Variants in CDK6 observed in about 807,000 individuals in gnomAD.
The protein encoded by CDK6 is cyclin-dependent kinase 6.
CDK6 carries 6 observed loss-of-function variants against 37.1 expected under a neutral mutation model. That is an observed-to-expected ratio of 0.16 (90% CI 0.09 to 0.32). The LOEUF (loss-of-function observed/expected upper bound fraction) is 0.32, where lower values mean the gene tolerates loss of function less well. CDK6 is among the 10% of genes least tolerant of loss of function. The pLI is 1.00. For synonymous variants in CDK6, 160 were observed against 161.3 expected (o/e 0.99, Z 0.06); for missense variants, 224 against 418.9 (o/e 0.53, Z 4.06).
intron 2 of CDK6, among the ~76,000 whole-genome samples, chr7:92,814,842 T>G (rs1800985284): frequency 6.6e-6 from 1 of 152,006 alleles, no homozygotes; most frequent in Non-Finnish European, 1.5e-5. Context: ...AGGAGATGTA[T>G]TAAGAAAATA....
Position 92,614,258 on chromosome 7 carries a change from A to C in CDK6, c.*882T>G, listed in dbSNP as rs1795623096. 4.3e-6 allele frequency: 1 copy of C among 232,960 alleles called. No homozygotes were observed. The highest frequency in any genetic ancestry group is 1.8e-4 in the South Asian group (1 of 5,530). 14.4% of individuals were successfully genotyped at this position (232,960 alleles called of 1,614,324 possible). A position where few individuals can be genotyped will look rare whatever the true frequency, so the allele number is the denominator to read the frequency against. The stretch of plus-strand genomic sequence containing the variant: ...TCAAACCAGGAAATAAAGGCTTTCT[A>C]TTCTTTTTTTTAAAATCTATCTGAG... On this transcript the variant is annotated 3_prime_UTR_variant, in exon 8 of 8. Transcript: ENST00000424848.
chr7:92,679,265 G>A (rs747502623), intron 4 of CDK6, among the ~76,000 whole-genome samples: 4 of 151,652 alleles, frequency 2.6e-5, no homozygotes, highest in Non-Finnish European at 4.4e-5. Context: ...GAAGATGTTT[G>A]GACTGGGTAA....
chr7:92,671,653 TAAG>T, intron 4 of CDK6, 118 bp from the exon 5 acceptor site: 1 of 480,096 alleles, frequency 2.1e-6, no homozygotes, highest in Non-Finnish European at 3.7e-6. Context: ...ATAAATCATA[TAAG>T]GACACTGCGC....
intron 5 of CDK6, among the ~76,000 whole-genome samples, chr7:92,663,283 C>T (rs1796877433): frequency 6.6e-6 from 1 of 151,982 alleles, no homozygotes; most frequent in Admixed American, 6.6e-5. Flanking sequence ...TGGAGGTGCC[C>T]TGGAGTGGGA....
intron 5 of CDK6, among the ~76,000 whole-genome samples, chr7:92,662,293 G>A (rs1796856424): frequency 6.6e-6 from 1 of 152,160 alleles, no homozygotes; most frequent in South Asian, 2.1e-4. Context: ...ATTAACTGGA[G>A]ATGGGGCTGA....
intron 4 of CDK6, among the ~76,000 whole-genome samples, chr7:92,719,847 G>A (rs1182333504): frequency 1.3e-5 from 2 of 152,146 alleles, no homozygotes; most frequent in African/African-American, 4.8e-5. Flanking sequence ...AACTGCCTGG[G>A]TGTTGGCAAT....
chr7:92,713,554 T>A (rs10488521), intron 4 of CDK6, among the ~76,000 whole-genome samples: 1 of 151,446 alleles, frequency 6.6e-6, no homozygotes, highest in African/African-American at 2.4e-5. Flanking sequence ...ATGATTAGAA[T>A]GAGTATCACT....
intron 3 of CDK6, among the ~76,000 whole-genome samples, chr7:92,736,479 G>C (rs773223219): frequency 3.3e-5 from 5 of 152,202 alleles, no homozygotes; most frequent in Non-Finnish European, 7.3e-5. Context: ...TAGGCACTGA[G>C]TAAGCACCAA....
At chr7:92,798,953 C>T (rs556761073) in intron 2 of CDK6, among the ~76,000 whole-genome samples, 1 of 152,202 alleles carries the variant, frequency 6.6e-6, no homozygotes, top group Non-Finnish European at 1.5e-5. Flanking sequence ...TCCTCCTGAA[C>T]TGTGCCTCTC....
chr7:92,667,125 AT>A (rs1299065413), intron 5 of CDK6, among the ~76,000 whole-genome samples: 3 of 152,344 alleles, frequency 2.0e-5, no homozygotes, highest in African/African-American at 4.8e-5. Context: ...AAGTAAAAAA[AT>A]AAAAAATTTA....
At chr7:92,629,118 C>T (rs1299273933) in intron 5 of CDK6, among the ~76,000 whole-genome samples, 1 of 151,796 alleles carries the variant, frequency 6.6e-6, no homozygotes, top group Admixed American at 6.6e-5. Context: ...AAGGAAAGAC[C>T]GTGGCAGAAA....
chr7:92,783,030 C>T (rs1041424374), intron 2 of CDK6, among the ~76,000 whole-genome samples: 5 of 151,988 alleles, frequency 3.3e-5, no homozygotes, highest in African/African-American at 1.2e-4. Flanking sequence ...CAAAAGTAGC[C>T]GACAGCAGAG....
At chr7:92,660,258 C>T (rs1796805892) in intron 5 of CDK6, among the ~76,000 whole-genome samples, 1 of 152,170 alleles carries the variant, frequency 6.6e-6, no homozygotes, top group Non-Finnish European at 1.5e-5. Context: ...TAGGTACAGA[C>T]ACAATGCTAT....
At chr7:92,725,421 G>T in intron 4 of CDK6, 1 of 752,692 alleles carries the variant, frequency 1.3e-6, no homozygotes, top group Non-Finnish European at 1.6e-6. Context: ...AATGGATCCT[G>T]TCCACAACAA....
chr7:92,686,513 T>C (rs1407920565), intron 4 of CDK6, among the ~76,000 whole-genome samples: 2 of 152,120 alleles, frequency 1.3e-5, no homozygotes, highest in Admixed American at 6.6e-5. Flanking sequence ...TATACCACAT[T>C]TTCTTTATCC....
Position 92,712,478 on chromosome 7 carries a change from A to G in CDK6, c.537+13148T>C, listed in dbSNP as rs560937830. Among the ~76,000 whole-genome samples, 4 of 152,346 alleles carry G rather than the reference A, an allele frequency of 2.6e-5. No individual in the cohort carries two copies. The South Asian group carries it at 8.3e-4, about 32-fold the overall frequency. On this transcript the variant is annotated intron_variant, in intron 4 of 7. Coordinates refer to ENST00000424848, the MANE Select transcript of CDK6 (RefSeq NM_001145306.2). ...TGATGCCTTTAAAAACAGGAGTACA[A>G]AAATTACAAATGATAAGCTGATGGA...
intron 3 of CDK6, among the ~76,000 whole-genome samples, chr7:92,738,640 G>GA (rs550034756): frequency 0.19 from 24,008 of 128,444 alleles, 2,881 homozygotes; most frequent in African/African-American, 0.37. Context: ...CTCCATCTCC[G>GA]AAAAAAAAAA....
At chr7:92,735,395 A>G (rs903687368) in intron 3 of CDK6, among the ~76,000 whole-genome samples, 10 of 152,100 alleles carry the variant, frequency 6.6e-5, no homozygotes, top group African/African-American at 2.4e-4. Context: ...ACAGTATCCA[A>G]TAGGTAGTTT....
At chr7:92,729,774 G>T (rs913394551) in intron 3 of CDK6, among the ~76,000 whole-genome samples, 1 of 152,152 alleles carries the variant, frequency 6.6e-6, no homozygotes, top group East Asian at 1.9e-4. Flanking sequence ...TAGAGGCAGG[G>T]TCTTGCTCTG....
Sources: gnomAD v4.1 joint callset for allele counts (sites outside exome capture counted in the v4.1 genomes callset) on GRCh38, gnomAD v4.1.1 for gene constraint, MANE v1.5 for transcripts, NCBI Gene and HGNC (gene_info 2026-07-23, HGNC 2026-07-21) for gene names.